The following CTNNA2 variants were observed in gnomAD, a reference collection of about 807,000 sequenced individuals.
The protein encoded by CTNNA2 is catenin alpha-2.
A neutral mutation model predicts 101.0 loss-of-function variants in CTNNA2; 42 were observed. The observed-to-expected ratio is 0.42, with a 90% CI of 0.32 to 0.54. The LOEUF is 0.54. Ranked by LOEUF, CTNNA2 falls within the 20% of genes least tolerant of loss-of-function variation. CTNNA2 has a pLI of 0.14. For synonymous variants in CTNNA2, 450 were observed against 456.4 expected, an observed-to-expected ratio of 0.99 and a Z score of 0.18; for missense variants, 871 against 1,223.1, an observed-to-expected ratio of 0.71 and a Z score of 4.29.
chr2:80,608,438 T>G lies in CTNNA2; in HGVS notation c.2430+120T>G, dbSNP rs905220038. The G allele has an allele frequency of 4.9e-6, 5 of 1,016,492 alleles. No individual in the cohort carries two copies. The African/African-American group carries it at 8.0e-5, about 16-fold the overall frequency. The allele number at this position is 1,016,492 out of a possible 1,614,324, so 63.0% of individuals were successfully genotyped here. ...ACAGTGATTTATAGGGAGGGCTTTT[T>G]TTAAATAAATGTTATCACCATTATT... On this transcript the variant is annotated intron_variant, in intron 17 of 18. Coordinates refer to ENST00000402739, the MANE Select transcript of CTNNA2 (RefSeq NM_001282597.3).
At chr2:79,267,105 G>T (rs369637301) in intron 2 of CTNNA2, among the ~76,000 whole-genome samples, 3 of 152,092 alleles carry the variant, frequency 2.0e-5, no homozygotes, top group Admixed American at 6.6e-5. Context: ...CTGAATAGAT[G>T]TGCTTGAGAA....
intron 3 of CTNNA2, among the ~76,000 whole-genome samples, chr2:79,824,808 T>G (rs1292298160): frequency 1.1e-4 from 17 of 152,184 alleles, no homozygotes; most frequent in Admixed American, 1.1e-3. Context: ...TTCCCCTTTT[T>G]TTGGTATGGT....
intron 7 of CTNNA2, among the ~76,000 whole-genome samples, chr2:79,932,496 C>CT (rs1687518927): frequency 1.4e-5 from 2 of 139,900 alleles, no homozygotes; most frequent in Non-Finnish European, 3.1e-5. Flanking sequence ...TTTTTTTTTT[C>CT]TTTTTTTGGT....
At chr2:79,463,015 T>TA (rs1198070574) in intron 4 of CTNNA2, among the ~76,000 whole-genome samples, 1 of 152,206 alleles carries the variant, frequency 6.6e-6, no homozygotes, top group African/African-American at 2.4e-5. Flanking sequence ...TATCAATGCT[T>TA]ACCAGCCCTT....
intron 1 of CTNNA2, among the ~76,000 whole-genome samples, chr2:79,600,271 G>A (rs557074974): frequency 2.0e-5 from 3 of 152,204 alleles, no homozygotes; most frequent in African/African-American, 7.2e-5. Flanking sequence ...CACCTCCTGG[G>A]TTCAAGCCAT....
intron 3 of CTNNA2, among the ~76,000 whole-genome samples, chr2:79,757,202 C>G (rs904957439): frequency 6.6e-6 from 1 of 152,176 alleles, no homozygotes; most frequent in Non-Finnish European, 1.5e-5. Context: ...ATACTCTACA[C>G]TTATTTGTCA....
chr2:79,731,543 A>AG (rs2104921757), intron 2 of CTNNA2, among the ~76,000 whole-genome samples: 1 of 152,204 alleles, frequency 6.6e-6, no homozygotes, highest in East Asian at 1.9e-4. Flanking sequence ...TGTGCTAGAG[A>AG]GATGTGAGTT....
intron 1 of CTNNA2, among the ~76,000 whole-genome samples, chr2:79,582,760 T>A (rs2103914454): frequency 6.6e-6 from 1 of 152,286 alleles, no homozygotes; most frequent in South Asian, 2.1e-4. Flanking sequence ...TGTTCAGGTA[T>A]AATTAACATT....
chr2:80,256,741 T>A (rs1342699554), intron 7 of CTNNA2, among the ~76,000 whole-genome samples: 1 of 152,186 alleles, frequency 6.6e-6, no homozygotes, highest in African/African-American at 2.4e-5. Context: ...TGCTTTTTTA[T>A]GAAGCAGAAA....
intron 2 of CTNNA2, among the ~76,000 whole-genome samples, chr2:79,311,670 A>G (rs1676377700): frequency 6.6e-6 from 1 of 151,928 alleles, no homozygotes; most frequent in Non-Finnish European, 1.5e-5. Context: ...ATACTATTCT[A>G]CTACTGCTAC....
At chr2:80,195,194 A>C (rs1240789351) in intron 7 of CTNNA2, among the ~76,000 whole-genome samples, 1 of 152,154 alleles carries the variant, frequency 6.6e-6, no homozygotes, top group Non-Finnish European at 1.5e-5. Flanking sequence ...TATAGTCTAT[A>C]TATTGAATTC....
intron 7 of CTNNA2, among the ~76,000 whole-genome samples, chr2:80,172,805 C>G (rs925523140): frequency 6.6e-6 from 1 of 152,158 alleles, no homozygotes; most frequent in African/African-American, 2.4e-5. Flanking sequence ...ACCCTGATCT[C>G]TGCCTTCAAG....
chr2:79,292,774 T>G (rs1358208653), intron 2 of CTNNA2, among the ~76,000 whole-genome samples: 1 of 152,228 alleles, frequency 6.6e-6, no homozygotes, highest in East Asian at 1.9e-4. Flanking sequence ...CTGGCTTCAG[T>G]GCAAGAATTT....
At chr2:79,213,942 G>T (rs1368863372) in intron 2 of CTNNA2, among the ~76,000 whole-genome samples, 1 of 152,194 alleles carries the variant, frequency 6.6e-6, no homozygotes, top group Non-Finnish European at 1.5e-5. Context: ...ACGCAGACAT[G>T]AGGGCTAGGC....
chr2:80,217,684 T>G (rs1374756484), intron 7 of CTNNA2, among the ~76,000 whole-genome samples: 1 of 152,238 alleles, frequency 6.6e-6, no homozygotes, highest in Non-Finnish European at 1.5e-5. Flanking sequence ...GATTTTCATT[T>G]TATAAAAACT....
chr2:79,981,286 C>A (rs530900171), intron 7 of CTNNA2, among the ~76,000 whole-genome samples: 150 of 152,168 alleles, frequency 9.9e-4, no homozygotes, highest in Non-Finnish European at 1.6e-3. Context: ...AATAAAATGT[C>A]CATAGCTACA....
chr2:80,281,210 T>A (rs1674355408), intron 7 of CTNNA2, among the ~76,000 whole-genome samples: 1 of 152,096 alleles, frequency 6.6e-6, no homozygotes, highest in Admixed American at 6.6e-5. Context: ...GGATCTGTGT[T>A]GTTAGGGTGG....
chr2:80,533,755 A>G (rs1690745136), intron 9 of CTNNA2, among the ~76,000 whole-genome samples: 1 of 152,186 alleles, frequency 6.6e-6, no homozygotes, highest in Non-Finnish European at 1.5e-5. Flanking sequence ...ACTAAGTAAT[A>G]GTGGAGAGTT....
intron 3 of CTNNA2, among the ~76,000 whole-genome samples, chr2:79,325,216 C>T (rs775606821): frequency 1.3e-5 from 2 of 152,054 alleles, no homozygotes; most frequent in African/African-American, 2.4e-5. Flanking sequence ...GGGGGGAAAA[C>T]CAAGTTTGAT....
Sources: gnomAD v4.1 joint callset for allele counts (sites outside exome capture counted in the v4.1 genomes callset) on GRCh38, gnomAD v4.1.1 for gene constraint, MANE v1.5 for transcripts, NCBI Gene and HGNC (gene_info 2026-07-23, HGNC 2026-07-21) for gene names.